Variants in MYO5A observed in about 807,000 individuals in gnomAD.
MYO5A encodes myosin VA, also known as unconventional myosin-Va.
Under a neutral mutation model 249.7 loss-of-function variants are expected in MYO5A, and 98 were observed. The ratio of observed to expected loss-of-function variants is 0.39; its 90% CI spans 0.33 to 0.46. MYO5A has a LOEUF of 0.46. MYO5A is among the 20% of genes least tolerant of loss of function. MYO5A has a pLI of 0.98. For missense variants in MYO5A, 1,696 were observed against 2,308.8 expected (o/e 0.73, Z 5.44); for synonymous variants, 778 against 810.6 (o/e 0.96, Z 0.68).
chr15:52,458,209 T>C (rs539496216), intron 1 of MYO5A, among the ~76,000 whole-genome samples: 101 of 152,340 alleles, frequency 6.6e-4, no homozygotes, highest in African/African-American at 2.4e-3. Flanking sequence ...AGGGTGACTA[T>C]AGCTAACGAC....
intron 14 of MYO5A, among the ~76,000 whole-genome samples, chr15:52,384,884 T>C (rs557791224): frequency 6.6e-6 from 1 of 152,336 alleles, no homozygotes; most frequent in South Asian, 2.1e-4. Context: ...TTAAAAGTTA[T>C]GAATAATAAT....
chr15:52,516,082 T>C (rs1219779248), intron 1 of MYO5A, among the ~76,000 whole-genome samples: 3 of 152,208 alleles, frequency 2.0e-5, no homozygotes, highest in African/African-American at 7.2e-5. Context: ...ATCACCATTA[T>C]AAAGATAAGG....
At position 52,439,206 on chromosome 15, in the gene MYO5A, G is replaced by A. The variant is rs538325451; in HGVS notation, c.28-5921C>T. ...GCCACCATCTTGGAAGTGGCCCGCCGCCATTTTGGAAGTGGCCTGCCACCA... is the reference window on the plus strand; with the variant it reads ...GCCACCATCTTGGAAGTGGCCCGCCACCATTTTGGAAGTGGCCTGCCACCA... On this transcript the variant is annotated intron_variant, in intron 1 of 41. Transcript: ENST00000399233. 2.6e-5 allele frequency among the ~76,000 whole-genome samples: 4 copies of A among 152,284 alleles called. 1 individual carries two copies. Among genetic ancestry groups the A allele is most frequent in the South Asian group, 4.1e-4 (2 of 4,820 alleles).
chr15:52,352,233 C>T (rs1490496165), intron 27 of MYO5A, among the ~76,000 whole-genome samples: 5 of 152,176 alleles, frequency 3.3e-5, no homozygotes, highest in Non-Finnish European at 7.3e-5. Context: ...CCACTCCATG[C>T]TCTGTTCAAA....
At chr15:52,344,188 A>T (rs1223904095) in intron 30 of MYO5A, among the ~76,000 whole-genome samples, 1 of 152,190 alleles carries the variant, frequency 6.6e-6, no homozygotes. Flanking sequence ...CTCTCTAGAG[A>T]ATTCACCTAT....
intron 1 of MYO5A, among the ~76,000 whole-genome samples, chr15:52,475,687 G>C (rs963582056): frequency 2.6e-5 from 4 of 152,196 alleles, no homozygotes; most frequent in Admixed American, 6.5e-5. Flanking sequence ...TTTCCATGTA[G>C]TTGTGTGGTT....
rs749123031 is a variant in MYO5A, at chr15:52,319,173, A to C, written c.5121T>G (p.Pro1707=). 1.8e-5 allele frequency: 29 copies of C among 1,614,192 alleles called. 1 individual carries two copies. The South Asian group carries it at 2.6e-4, about 15-fold the overall frequency. ...HSVMCQHGMD[P]ELIKQVVKQM... ...GCTTGACCACCTGCTTGATCAGTTC[A>C]GGGTCCATGCCATGCTGACACATGA... is the stretch of plus-strand genomic sequence containing the variant. Residue 1707 remains proline, a synonymous_variant, in exon 39 of 42, where the codon CCT becomes CCG. Transcript: ENST00000399233.
intron 1 of MYO5A, among the ~76,000 whole-genome samples, chr15:52,474,691 T>G (rs1024495529): frequency 2.6e-5 from 4 of 152,234 alleles, no homozygotes; most frequent in African/African-American, 4.8e-5. Flanking sequence ...TGGATTACAT[T>G]TATTGATTTG....
chr15:52,326,187 G>C (rs557797912), intron 36 of MYO5A, among the ~76,000 whole-genome samples: 6 of 152,216 alleles, frequency 3.9e-5, no homozygotes, highest in Non-Finnish European at 7.3e-5. Flanking sequence ...GTATTAAAGA[G>C]TGTTGTGTTC....
chr15:52,333,910 A>G (rs1480415923), intron 34 of MYO5A, among the ~76,000 whole-genome samples: 1 of 152,212 alleles, frequency 6.6e-6, no homozygotes, highest in African/African-American at 2.4e-5. Flanking sequence ...GATTCTCTTT[A>G]TTTGGGGTAG....
At chr15:52,458,940 C>A (rs1037435321) in intron 1 of MYO5A, among the ~76,000 whole-genome samples, 3 of 151,628 alleles carry the variant, frequency 2.0e-5, no homozygotes, top group Non-Finnish European at 4.4e-5. Context: ...ATCTTCATAG[C>A]ATTTCTGGGA....
chr15:52,328,573 T>C (rs2038721824), intron 35 of MYO5A, among the ~76,000 whole-genome samples: 1 of 152,230 alleles, frequency 6.6e-6, no homozygotes. Flanking sequence ...GCTGGGCTGC[T>C]GCAATAGCTC....
intron 8 of MYO5A, among the ~76,000 whole-genome samples, chr15:52,407,047 CATTCAATG>C (rs1438021768): frequency 6.6e-6 from 1 of 152,152 alleles, no homozygotes; most frequent in Non-Finnish European, 1.5e-5. Flanking sequence ...AAAATTCACC[CATTCAATG>C]ATTTTTAGTA....
chr15:52,381,809 C>T (rs74887468), intron 16 of MYO5A, among the ~76,000 whole-genome samples: 89 of 151,816 alleles, frequency 5.9e-4, no homozygotes, highest in South Asian at 4.8e-3. Flanking sequence ...CACACACACA[C>T]GGAGCATGGA....
chr15:52,421,059 ATTAAT>A (rs1321843548), intron 4 of MYO5A, among the ~76,000 whole-genome samples: 3 of 152,224 alleles, frequency 2.0e-5, no homozygotes, highest in Non-Finnish European at 4.4e-5. Flanking sequence ...GTAGATATTT[ATTAAT>A]TTAAGTTAAC....
chr15:52,341,421 T>C (rs748454319), intron 31 of MYO5A, among the ~76,000 whole-genome samples: 45 of 152,228 alleles, frequency 3.0e-4, no homozygotes, highest in Non-Finnish European at 5.7e-4. Flanking sequence ...CAAGCAAACA[T>C]ACAGCCAGCT....
chr15:52,368,735 C>T (rs1465419491), intron 22 of MYO5A, among the ~76,000 whole-genome samples: 1 of 152,140 alleles, frequency 6.6e-6, no homozygotes, highest in Non-Finnish European at 1.5e-5. Flanking sequence ...GAAACACCGT[C>T]TGAACTAAAG....
intron 29 of MYO5A, among the ~76,000 whole-genome samples, chr15:52,347,471 T>C (rs1162770643): frequency 1.3e-5 from 2 of 152,240 alleles, no homozygotes; most frequent in Non-Finnish European, 2.9e-5. Context: ...GTCTAAATAG[T>C]ATATGTCTGA....
chr15:52,453,390 G>A (rs2076057868), intron 1 of MYO5A, among the ~76,000 whole-genome samples: 1 of 151,918 alleles, frequency 6.6e-6, no homozygotes, highest in African/African-American at 2.4e-5. Context: ...CAAAAGTTGA[G>A]AGAATTCACC....
Sources: gnomAD v4.1 joint callset for allele counts (sites outside exome capture counted in the v4.1 genomes callset) on GRCh38, gnomAD v4.1.1 for gene constraint, MANE v1.5 for transcripts, NCBI Gene and HGNC (gene_info 2026-07-23, HGNC 2026-07-21) for gene names.